ZDHHC7: variants seen among roughly 807,000 people sequenced by gnomAD.
The protein encoded by ZDHHC7 is zDHHC palmitoyltransferase 7.
ZDHHC7 carries 12 observed loss-of-function variants against 34.1 expected under a neutral mutation model. The ratio of observed to expected loss-of-function variants is 0.35; its 90% CI spans 0.23 to 0.57. The LOEUF (loss-of-function observed/expected upper bound fraction) is 0.57, where lower values mean the gene tolerates loss of function less well. Among genes scored for constraint, ZDHHC7 ranks in the 20% least tolerant of loss-of-function variants. ZDHHC7 has a pLI of 0.84. For missense variants in ZDHHC7, 388 were observed against 402.7 expected (o/e 0.96, Z 0.31); for synonymous variants, 185 against 155.4 (o/e 1.19, Z -1.42).
At chr16:85,021,253 A>T in the ZDHHC7 span, among the ~76,000 whole-genome samples, 1 of 151,796 alleles carries the variant, frequency 6.6e-6, no homozygotes, top group African/African-American at 2.4e-5. Context: ...CTGTACTAAA[A>T]ATACAAAAAT....
chr16:85,003,412 G>T (rs1044116897), intron 1 of ZDHHC7, among the ~76,000 whole-genome samples: 1 of 152,212 alleles, frequency 6.6e-6, no homozygotes, highest in Non-Finnish European at 1.5e-5. Context: ...CTCACAAAAG[G>T]AGCGCAGCAC....
chr16:84,993,183 T>C (rs2072532436), intron 2 of ZDHHC7, among the ~76,000 whole-genome samples: 1 of 151,424 alleles, frequency 6.6e-6, no homozygotes, highest in South Asian at 2.1e-4. Context: ...TAACCAGGCA[T>C]GGTGGCTTGC....
chr16:85,021,280 C>T, the ZDHHC7 span, among the ~76,000 whole-genome samples: 3 of 151,608 alleles, frequency 2.0e-5, no homozygotes, highest in African/African-American at 2.4e-5. Flanking sequence ...GGTGTGGTGG[C>T]GCACACCTTT....
chr16:85,021,326 C>A, the ZDHHC7 span, among the ~76,000 whole-genome samples: 1 of 147,770 alleles, frequency 6.8e-6, no homozygotes, highest in Non-Finnish European at 1.5e-5. Context: ...GCAGAAGAAT[C>A]GTTTGAACCC....
At chr16:85,000,200 CATG>C (rs2072635473) in intron 1 of ZDHHC7, among the ~76,000 whole-genome samples, 1 of 152,118 alleles carries the variant, frequency 6.6e-6, no homozygotes, top group Non-Finnish European at 1.5e-5. Flanking sequence ...CAATTAAAAA[CATG>C]AGCAGGAGAA....
At chr16:84,980,832 A>AT (rs2143564946) in intron 4 of ZDHHC7, among the ~76,000 whole-genome samples, 1 of 152,264 alleles carries the variant, frequency 6.6e-6, no homozygotes, top group Admixed American at 6.5e-5. Context: ...GTCACTGCCT[A>AT]TTTCTAACCC....
chr16:84,981,442 T>G (rs2072366598), intron 4 of ZDHHC7, among the ~76,000 whole-genome samples: 1 of 152,192 alleles, frequency 6.6e-6, no homozygotes, highest in African/African-American at 2.4e-5. Flanking sequence ...CACAACAGCC[T>G]CTCTGGCTGG....
At chr16:85,027,428 C>T in the ZDHHC7 span, among the ~76,000 whole-genome samples, 1 of 152,136 alleles carries the variant, frequency 6.6e-6, no homozygotes, top group Non-Finnish European at 1.5e-5. Flanking sequence ...AACTAGAATC[C>T]GACGGTATTT....
chr16:84,976,614 G>GGCTCGAT (rs1377440701), intron 7 of ZDHHC7, 95 bp from the exon 8 acceptor site: 1 of 1,479,392 alleles, frequency 6.8e-7, no homozygotes, highest in African/African-American at 1.4e-5. Flanking sequence ...GCACAGTGTG[G>GGCTCGAT]GCTCGATGGA....
rs947259682 is a variant in ZDHHC7 at position 84,974,567 on chromosome 16, G to A, written c.*1776C>T. 1.3e-5 allele frequency: 2 copies of A among 152,658 alleles called. No homozygotes were observed. Among genetic ancestry groups the A allele is most frequent in the African/African-American group, 4.8e-5 (2 of 41,456 alleles). The allele number at this position is 152,658 out of a possible 1,614,324, so 9.5% of individuals were successfully genotyped here. ...TGCACACACTTGCCAAGTCTCACAGGATTCAACCACTTGGATAATTGTTTT... is the reference window on the plus strand; with the variant it reads ...TGCACACACTTGCCAAGTCTCACAGAATTCAACCACTTGGATAATTGTTTT... On this transcript the variant is annotated 3_prime_UTR_variant, in exon 8 of 8. Coordinates refer to ENST00000313732, the MANE Select transcript of ZDHHC7 (RefSeq NM_017740.3).
chr16:84,986,455 G>A (rs16975093), intron 3 of ZDHHC7, among the ~76,000 whole-genome samples: 22,946 of 152,258 alleles, frequency 0.15, 2,179 homozygotes, highest in Admixed American at 0.28. Context: ...CCTCCGGAAG[G>A]CACTCGCACG....
Position 84,975,946 on chromosome 16 carries a change from T to G in ZDHHC7, c.*397A>C, listed in dbSNP as rs9934780. On this transcript the variant is annotated 3_prime_UTR_variant, in exon 8 of 8. Transcript: ENST00000313732. ...GGGAGTGCACTGCTGAGTGGCGGGGTCAGCAGGAGCCCCCTGAAATGACTG... is the reference window on the plus strand; with the variant it reads ...GGGAGTGCACTGCTGAGTGGCGGGGGCAGCAGGAGCCCCCTGAAATGACTG... 0.24 allele frequency: 47,572 copies of G among 200,932 alleles called. 6,219 individuals carry two copies. The highest frequency in any genetic ancestry group is 0.36 in the African/African-American group (15,086 of 41,820). 12.4% of individuals were successfully genotyped at this position (200,932 alleles called of 1,614,324 possible). A position where few individuals can be genotyped will look rare whatever the true frequency, so the allele number is the denominator to read the frequency against.
chr16:84,996,104 T>A (rs536901933), intron 1 of ZDHHC7, 97 bp from the exon 2 acceptor site: 2 of 152,176 alleles, frequency 1.3e-5, no homozygotes, highest in South Asian at 2.1e-4. Flanking sequence ...GAGCGTAACA[T>A]TTGACGCATC....
At chr16:84,985,169 C>T (rs2072420540) in intron 3 of ZDHHC7, among the ~76,000 whole-genome samples, 1 of 152,278 alleles carries the variant, frequency 6.6e-6, no homozygotes, top group African/African-American at 2.4e-5. Flanking sequence ...AGCGGCCTCC[C>T]TTCAGAGGTG....
intron 2 of ZDHHC7, among the ~76,000 whole-genome samples, chr16:84,991,467 T>G (rs1025702167): frequency 6.6e-6 from 1 of 151,980 alleles, no homozygotes; most frequent in African/African-American, 2.4e-5. Context: ...TTTGTATTTT[T>G]AGTAGAGATG....
intron 1 of ZDHHC7, among the ~76,000 whole-genome samples, chr16:84,999,942 A>C (rs1265368606): frequency 6.6e-6 from 1 of 152,160 alleles, no homozygotes; most frequent in Non-Finnish European, 1.5e-5. Context: ...CCAAGAGTTC[A>C]AGACTAATCT....
intron 3 of ZDHHC7, among the ~76,000 whole-genome samples, chr16:84,989,694 CAAA>C (rs35823318): frequency 1.0e-5 from 1 of 96,486 alleles, no homozygotes; most frequent in African/African-American, 4.1e-5. Flanking sequence ...AACTCCGTCT[CAAA>C]AAAAAAAAAA....
chr16:85,000,087 C>T (rs926425089), intron 1 of ZDHHC7, among the ~76,000 whole-genome samples: 6 of 151,470 alleles, frequency 4.0e-5, no homozygotes, highest in Non-Finnish European at 7.4e-5. Flanking sequence ...CTGCAGTGAG[C>T]TGTGTTTGTG....
At chr16:84,980,264 C>G (rs951922572) in intron 4 of ZDHHC7, among the ~76,000 whole-genome samples, 14 of 151,164 alleles carry the variant, frequency 9.3e-5, no homozygotes, top group Non-Finnish European at 1.6e-4. Context: ...CGCACCCGCC[C>G]ATAGCGTCAC....
Sources: allele counts gnomAD v4.1 joint callset (sites outside exome capture counted in the v4.1 genomes callset), GRCh38; gene constraint gnomAD v4.1.1; transcripts MANE v1.5; gene names NCBI Gene and HGNC (gene_info 2026-07-23, HGNC 2026-07-21).